Variants in PWWP2B observed in about 807,000 individuals in gnomAD.
PWWP2B encodes the protein PWWP domain containing 2B.
Under a neutral mutation model 15.5 loss-of-function variants are expected in PWWP2B, and 9 were observed. The ratio of observed to expected loss-of-function variants is 0.58; its 90% confidence interval spans 0.35 to 1.02. The LOEUF is 1.02. Among genes scored for constraint, PWWP2B ranks in the 50% least tolerant of loss-of-function variants. PWWP2B has a pLI of 0.02. For synonymous variants in PWWP2B, 474 were observed against 403.6 expected (o/e 1.17, Z -2.09); for missense variants, 864 against 865.3 (o/e 1.00, Z 0.02).
At chr10:132,402,798 G>C (rs534744569) in intron 1 of PWWP2B, among the ~76,000 whole-genome samples, 1 of 152,244 alleles carries the variant, frequency 6.6e-6, no homozygotes, top group Non-Finnish European at 1.5e-5. Flanking sequence ...GAAAGTCGCC[G>C]GCTTGGGTGG....
chr10:132,411,872 C>A (rs1272905149), intron 2 of PWWP2B, among the ~76,000 whole-genome samples: 1 of 152,260 alleles, frequency 6.6e-6, no homozygotes, highest in Non-Finnish European at 1.5e-5. Context: ...CTTCCTCCAA[C>A]TCTAAATAAA....
chr10:132,411,155 G>A (rs2069774684), intron 2 of PWWP2B, among the ~76,000 whole-genome samples: 1 of 152,192 alleles, frequency 6.6e-6, no homozygotes. Flanking sequence ...GAGCAGGGCT[G>A]TGCGCCTTCA....
Position 132,405,972 on chromosome 10 carries a change from G to T in PWWP2B, c.1472G>T (p.Gly491Val). The T allele has an allele frequency of 6.2e-7, 1 of 1,613,586 alleles. No individual in the cohort carries two copies. Among genetic ancestry groups the T allele is most frequent in the Non-Finnish European group, 8.5e-7 (1 of 1,180,024 alleles). The change falls in exon 2 of 3, where the codon GGG becomes GTG. Residue 491 changes from glycine to valine, a missense_variant. By Grantham distance (109) the Gly-to-Val change is moderately radical. This residue lies in a region of PWWP2B where 128 missense variants were observed against 177.6 expected (regional missense o/e 0.72). Transcript: ENST00000305233. ...GAGGACGGCAGGACTGTGGCCGTGG[G>T]GGACATCGTCTGGGGTAAGATCCAT... is the stretch of plus-strand genomic sequence containing the variant. ...ITEDGRTVAVGDIVWGKIHGF... is the reference protein window; with the variant it reads ...ITEDGRTVAVVDIVWGKIHGF...
At position 132,417,244 on chromosome 10, in the gene PWWP2B, C is replaced by A; in HGVS notation, c.*200C>A. 1 of 716,266 alleles carries A rather than the reference C, an allele frequency of 1.4e-6. No homozygotes were observed. Among genetic ancestry groups the A allele is most frequent in the Non-Finnish European group, 2.4e-6 (1 of 410,320 alleles). The allele number at this position is 716,266 out of a possible 1,614,324, so 44.4% of individuals were successfully genotyped here. A position where few individuals can be genotyped will look rare whatever the true frequency, so the allele number is the denominator to read the frequency against. ...TGGCCCTGAGCCCAGCGGCTCCTCC[C>A]GCTGAGTGTATTTCTTCCCACCACT... is the stretch of plus-strand genomic sequence containing the variant. On this transcript the variant is annotated 3_prime_UTR_variant, in exon 3 of 3. Coordinates refer to ENST00000305233, the MANE Select transcript of PWWP2B (RefSeq NM_138499.4).
chr10:132,408,724 ACG>A, intron 2 of PWWP2B, among the ~76,000 whole-genome samples: 1 of 152,246 alleles, frequency 6.6e-6, no homozygotes, highest in Non-Finnish European at 1.5e-5. Context: ...CGCAGGCACC[ACG>A]AGATCGGCTC....
intron 2 of PWWP2B, 86 bp from the exon 3 acceptor site, chr10:132,416,975 C>G: frequency 6.7e-7 from 1 of 1,500,250 alleles, no homozygotes; most frequent in Non-Finnish European, 9.3e-7. Flanking sequence ...TCCGGGGCAC[C>G]CTGACCTGCT....
rs2069674168 is a variant in PWWP2B, at chr10:132,405,107, A to T, written c.607A>T (p.Arg203Trp). The T allele has an allele frequency of 9.1e-6, 14 of 1,539,888 alleles. No homozygotes were observed. The highest frequency in any genetic ancestry group is 7.4e-5 in the East Asian group (3 of 40,644). ...GPPAAPRARRRLGSGPDRELR... is the reference protein window; with the variant it reads ...GPPAAPRARRWLGSGPDRELR... ...CCCAGCCGCGCCCAGGGCCCGCAGG[A>T]GGCTGGGCAGCGGCCCGGACAGGGA... The change falls in exon 2 of 3, where the codon AGG (arginine) becomes TGG (tryptophan). Residue 203 changes from arginine (R) to tryptophan (W), a missense_variant. Arg to Trp is a moderately radical substitution (Grantham distance 101). Transcript: ENST00000305233.
chr10:132,415,168 G>A (rs1233534864), intron 2 of PWWP2B, among the ~76,000 whole-genome samples: 1 of 151,996 alleles, frequency 6.6e-6, no homozygotes, highest in Non-Finnish European at 1.5e-5. Context: ...AAGATGAAGA[G>A]GCTGAGATCT....
chr10:132,405,737 G>T lies in PWWP2B; in HGVS notation c.1237G>T (p.Gly413Trp). ...GLAFLVSCPE[G>W]RADCASESAC... ...GGCTTTTCTCGTCAGCTGCCCTGAG[G>T]GGAGAGCGGACTGTGCCAGTGAGTC... Residue 413 changes from glycine (G) to tryptophan (W), a missense_variant, in exon 2 of 3, where the codon GGG becomes TGG. This residue lies in a region of PWWP2B where 736 missense variants were observed against 687.7 expected (regional missense o/e 1.07). Coordinates refer to ENST00000305233, the MANE Select transcript of PWWP2B (RefSeq NM_138499.4). 1 of 1,609,586 alleles carries T rather than the reference G, an allele frequency of 6.2e-7. No individual in the cohort carries two copies.
intron 1 of PWWP2B, among the ~76,000 whole-genome samples, chr10:132,399,815 C>T (rs1379072677): frequency 1.3e-5 from 2 of 152,100 alleles, no homozygotes; most frequent in African/African-American, 2.4e-5. Context: ...GTGGGGTGGC[C>T]CTGGCTGAGG....
At chr10:132,397,479 C>T (rs1252895740) in intron 1 of PWWP2B, 128 bp downstream of exon 1, 10 of 1,044,564 alleles carry the variant, frequency 9.6e-6, no homozygotes, top group Middle Eastern at 4.0e-4. Flanking sequence ...TCGGTTTCTG[C>T]CGAGCCTGAG....
chr10:132,408,100 C>CGGGGGCAG (rs1554907526), intron 2 of PWWP2B, among the ~76,000 whole-genome samples: 2 of 152,210 alleles, frequency 1.3e-5, no homozygotes, highest in Non-Finnish European at 2.9e-5. Flanking sequence ...CCTGCCTCCA[C>CGGGGGCAG]GGGGGGCAGT....
At chr10:132,415,481 A>C (rs2069836552) in intron 2 of PWWP2B, among the ~76,000 whole-genome samples, 1 of 148,876 alleles carries the variant, frequency 6.7e-6, no homozygotes, top group East Asian at 2.0e-4. Context: ...ACATTCACTC[A>C]AACACACCCA....
At position 132,405,947 on chromosome 10, in the gene PWWP2B, G is replaced by A; in HGVS notation, c.1447G>A (p.Glu483Lys). 6.2e-7 allele frequency: 1 copy of A among 1,613,394 alleles called. No homozygotes were observed. The highest frequency in any genetic ancestry group is 8.5e-7 in the Non-Finnish European group (1 of 1,180,014). Residue 483 changes from glutamate (E) to lysine (K), a missense_variant, in exon 2 of 3, where the codon GAG becomes AAG. By Grantham distance (56) the Glu-to-Lys change is moderately conservative. Transcript: ENST00000305233. ...ACAGAGCGTGTCGGAGTGCATCACG[G>A]AGGACGGCAGGACTGTGGCCGTGGG... Reference protein sequence around the residue: ...HTQSVSECITEDGRTVAVGDI... With the variant: ...HTQSVSECITKDGRTVAVGDI...
At position 132,405,937 on chromosome 10, in the gene PWWP2B, G is replaced by A. The variant is rs2069693154; in HGVS notation, c.1437G>A (p.Glu479=). The A allele has an allele frequency of 6.2e-7, 1 of 1,613,288 alleles. No individual in the cohort carries two copies. Among genetic ancestry groups the A allele is most frequent in the Non-Finnish European group, 8.5e-7 (1 of 1,180,010 alleles). Residue 479 remains glutamate, a synonymous_variant, in exon 2 of 3, where the codon GAG becomes GAA. Coordinates refer to ENST00000305233, the MANE Select transcript of PWWP2B (RefSeq NM_138499.4). ...GGCTGCACACACAGAGCGTGTCGGAGTGCATCACGGAGGACGGCAGGACTG... is the reference window on the plus strand; with the variant it reads ...GGCTGCACACACAGAGCGTGTCGGAATGCATCACGGAGGACGGCAGGACTG... ...TVRLHTQSVS[E]CITEDGRTVA...
intron 2 of PWWP2B, among the ~76,000 whole-genome samples, chr10:132,408,657 AG>A (rs759049163): frequency 6.6e-6 from 1 of 152,210 alleles, no homozygotes; most frequent in Non-Finnish European, 1.5e-5. Flanking sequence ...CGGTGTCAGA[AG>A]CTTCCTGAGG....
At chr10:132,416,446 C>G (rs530744300) in intron 2 of PWWP2B, among the ~76,000 whole-genome samples, 79 of 152,332 alleles carry the variant, frequency 5.2e-4, no homozygotes, top group African/African-American at 1.9e-3. Flanking sequence ...GATCGTCTGT[C>G]CCCGCCAGGT....
chr10:132,397,254 C>T lies in PWWP2B; in HGVS notation c.28C>T (p.Pro10Ser). Residue 10 changes from proline (P) to serine (S), a missense_variant, in exon 1 of 3, where the codon CCG (proline) becomes TCG (serine). This residue lies in a region of PWWP2B where 736 missense variants were observed against 687.7 expected (regional missense o/e 1.07). Transcript: ENST00000305233. The stretch of plus-strand genomic sequence containing the variant: ...GGAGCCGCGCGCCGGCTGCCGGCTG[C>T]CGGTGCGGGTGGAGCAGGTCGTCAA... The part of the protein sequence containing the change: MEPRAGCRL[P>S]VRVEQVVNGA... 2.3e-6 allele frequency: 3 copies of T among 1,299,156 alleles called. No individual in the cohort carries two copies. The highest frequency in any genetic ancestry group is 2.2e-5 in the South Asian group (1 of 44,844). The allele number at this position is 1,299,156 out of a possible 1,614,324, so 80.5% of individuals were successfully genotyped here.
At chr10:132,412,344 A>C (rs1412731436) in intron 2 of PWWP2B, among the ~76,000 whole-genome samples, 4 of 152,154 alleles carry the variant, frequency 2.6e-5, no homozygotes, top group African/African-American at 9.7e-5. Context: ...TTCAGCTCCA[A>C]ATCCTTGCCC....
Sources: allele counts gnomAD v4.1 joint callset (sites outside exome capture counted in the v4.1 genomes callset), GRCh38; gene constraint gnomAD v4.1.1; regional missense constraint gnomAD v4.1.1; transcripts MANE v1.5; gene names NCBI Gene and HGNC (gene_info 2026-07-23, HGNC 2026-07-21).